Variants in ANO1 observed in about 807,000 individuals in gnomAD.
ANO1 encodes the protein anoctamin 1, also known as anoctamin-1.
ANO1 carries 59 observed loss-of-function variants against 124.0 expected under a neutral mutation model. The observed-to-expected ratio is 0.48, with a 90% confidence interval of 0.39 to 0.59. The LOEUF (loss-of-function observed/expected upper bound fraction) is 0.59, where lower values mean the gene tolerates loss of function less well. ANO1 is among the 20% of genes least tolerant of loss of function. ANO1 has a pLI of 0.00. For synonymous variants in ANO1, 529 were observed against 532.0 expected, an observed-to-expected ratio of 0.99 and a Z score of 0.08; for missense variants, 1,059 against 1,328.0, an observed-to-expected ratio of 0.80 and a Z score of 3.15.
At chr11:70,149,027 A>G (rs2047485946) in intron 11 of ANO1, among the ~76,000 whole-genome samples, 1 of 152,220 alleles carries the variant, frequency 6.6e-6, no homozygotes, top group Non-Finnish European at 1.5e-5. Context: ...AGTGCGATTC[A>G]GCAGGCAGAC....
intron 1 of ANO1, among the ~76,000 whole-genome samples, chr11:70,010,080 G>C (rs1383061668): frequency 2.0e-5 from 3 of 150,930 alleles, no homozygotes; most frequent in African/African-American, 7.3e-5. Flanking sequence ...ACTCCATCCA[G>C]GTTGCTGTGA....
the ANO1 span, among the ~76,000 whole-genome samples, chr11:69,974,568 T>C: frequency 2.6e-5 from 4 of 152,218 alleles, no homozygotes; most frequent in Non-Finnish European, 4.4e-5. Context: ...CAGAACCTCA[T>C]GCTCTTGGCC....
chr11:70,033,764 T>C (rs1857046193), intron 1 of ANO1, among the ~76,000 whole-genome samples: 2 of 152,058 alleles, frequency 1.3e-5, no homozygotes, highest in Non-Finnish European at 2.9e-5. Flanking sequence ...GCCATGCTCA[T>C]TCATTCCATA....
chr11:70,106,792 C>T lies in ANO1; in HGVS notation c.747+1004C>T, dbSNP rs574614711. On this transcript the variant is annotated intron_variant, in intron 5 of 25. Transcript: ENST00000355303. Reference sequence around the variant, plus strand: ...GGAGAACTGACAGCCCTTCCCCACTCCTCTCCTCCACACCATTCAATCTGT... The same window carrying T: ...GGAGAACTGACAGCCCTTCCCCACTTCTCTCCTCCACACCATTCAATCTGT... Among the ~76,000 whole-genome samples, 6 of 152,360 alleles carry T rather than the reference C, an allele frequency of 3.9e-5. No homozygotes were observed. In the South Asian group the frequency reaches 1.2e-3, roughly 32 times the overall value.
rs1287459801 is a variant in ANO1, at chr11:70,166,039, G to A, written c.2051+469G>A. 2.6e-5 allele frequency among the ~76,000 whole-genome samples: 4 copies of A among 151,768 alleles called. No individual in the cohort carries two copies. In the East Asian group the frequency reaches 5.9e-4, roughly 22 times the overall value. ...TGTTTTAAAAAATAAAAACAGGGCCGCGCACAGTGGCTCATAAACTGTAAT... is the reference window on the plus strand; with the variant it reads ...TGTTTTAAAAAATAAAAACAGGGCCACGCACAGTGGCTCATAAACTGTAAT... On this transcript the variant is annotated intron_variant, in intron 20 of 25. Transcript: ENST00000355303.
intron 1 of ANO1, among the ~76,000 whole-genome samples, chr11:70,024,623 C>A (rs1555002976): frequency 1.3e-5 from 2 of 152,196 alleles, no homozygotes; most frequent in East Asian, 3.9e-4. Context: ...GGCCCTCTCC[C>A]CAGTTCACAG....
chr11:70,049,721 T>TTTG (rs1555006112), intron 1 of ANO1, among the ~76,000 whole-genome samples: 33 of 149,382 alleles, frequency 2.2e-4, no homozygotes, highest in South Asian at 8.4e-4. Flanking sequence ...TGTTTGTTTG[T>TTTG]TTTGTTTTTG....
At position 70,034,856 on chromosome 11, in the gene ANO1, G is replaced by A. The variant is rs182622769; in HGVS notation, c.59-43686G>A. On this transcript the variant is annotated intron_variant, in intron 1 of 27. Coordinates refer to the ANO1 transcript ENST00000531349. Reference sequence around the variant, plus strand: ...ACATTTGAACACACAGGGGCAGCCAGAGGCAGGAAAGCCTGAACAGAGCCC... The same window carrying A: ...ACATTTGAACACACAGGGGCAGCCAAAGGCAGGAAAGCCTGAACAGAGCCC... Among the ~76,000 whole-genome samples the A allele has an allele frequency of 1.5e-3, 223 of 152,304 alleles. 1 individual carries two copies. Among genetic ancestry groups the A allele is most frequent in the Admixed American group, 9.0e-3 (137 of 15,306 alleles).
upstream of ANO1, among the ~76,000 whole-genome samples, chr11:70,073,364 G>T (rs1397146595): frequency 6.6e-6 from 1 of 152,200 alleles, no homozygotes; most frequent in African/African-American, 2.4e-5. Context: ...GGACCCAGGA[G>T]GGTGCGTCCG....
chr11:70,150,316 C>T (rs979352101), intron 12 of ANO1, among the ~76,000 whole-genome samples: 1 of 152,200 alleles, frequency 6.6e-6, no homozygotes, highest in Non-Finnish European at 1.5e-5. Flanking sequence ...TGGGCATCTT[C>T]ATACTCCAGA....
chr11:70,161,669 G>A lies in ANO1; in HGVS notation c.1828G>A (p.Ala610Thr), dbSNP rs1413416836. 6.2e-7 allele frequency: 1 copy of A among 1,613,992 alleles called. No homozygotes were observed. The highest frequency in any genetic ancestry group is 8.5e-7 in the Non-Finnish European group (1 of 1,179,888). Reference protein sequence around the residue: ...KSFEERLIFKAFLLKFVNSYT... With the variant: ...KSFEERLIFKTFLLKFVNSYT... Reference sequence around the variant, plus strand: ...CTTTGAGGAGAGGCTGATCTTCAAGGCTTTCCTGCTGAAGTTTGTGAATTC... The same window carrying A: ...CTTTGAGGAGAGGCTGATCTTCAAGACTTTCCTGCTGAAGTTTGTGAATTC... The change falls in exon 18 of 26, where the codon GCT becomes ACT. Residue 610 changes from alanine to threonine, a missense_variant. Coordinates refer to ENST00000355303, the MANE Select transcript of ANO1 (RefSeq NM_018043.7).
At chr11:70,116,537 G>C in intron 8 of ANO1, 38 bp downstream of exon 8, 1 of 1,562,208 alleles carries the variant, frequency 6.4e-7, no homozygotes, top group Non-Finnish European at 8.7e-7. Context: ...GGCTCTGTCA[G>C]AGCCTGGAGG....
At position 70,010,168 on chromosome 11, in the gene ANO1, C is replaced by CATATATATATATATATAT. The variant is rs1856569211; in HGVS notation, c.58+24002_58+24003insATATATATATATATATAT. Among the ~76,000 whole-genome samples, 6 of 70,344 alleles carry CATATATATATATATATAT rather than the reference C, an allele frequency of 8.5e-5. 1 individual carries two copies. In the South Asian group the frequency reaches 2.2e-3, roughly 25 times the overall value. The allele number at this position is 70,344 out of a possible 152,430, so 46.1% of individuals were successfully genotyped here. A position where few individuals can be genotyped will look rare whatever the true frequency, so the allele number is the denominator to read the frequency against. The stretch of plus-strand genomic sequence containing the variant: ...GTGTGTGTGTGTGTGTGTGTGTGCG[C>CATATATATATATATATAT]GTGTGTGTGTGTATATATATATATA... On this transcript the variant is annotated intron_variant, in intron 1 of 27. Transcript: ENST00000531349.
chr11:70,170,823 G>C, intron 21 of ANO1, 64 bp from the exon 22 acceptor site: 1 of 1,546,614 alleles, frequency 6.5e-7, no homozygotes, highest in Non-Finnish European at 8.8e-7. Context: ...ACACGGGGTG[G>C]TGGAGTCCCC....
intron 25 of ANO1, among the ~76,000 whole-genome samples, chr11:70,186,123 T>A (rs997976354): frequency 6.6e-6 from 1 of 152,020 alleles, no homozygotes; most frequent in African/African-American, 2.4e-5. Context: ...CTGTCTCTAC[T>A]AAAAATATCA....
intron 1 of ANO1, among the ~76,000 whole-genome samples, chr11:70,036,843 G>A (rs991835132): frequency 2.8e-4 from 43 of 152,152 alleles, no homozygotes; most frequent in African/African-American, 1.0e-3. Flanking sequence ...TCCTGACCTC[G>A]TGATCTGCCC....
chr11:70,003,893 A>C (rs1554999698), intron 1 of ANO1, among the ~76,000 whole-genome samples: 1 of 152,126 alleles, frequency 6.6e-6, no homozygotes, highest in African/African-American at 2.4e-5. Context: ...AGGCTGCTAT[A>C]TCCTGGCCCT....
At chr11:70,156,640 G>A (rs972431020) in intron 15 of ANO1, among the ~76,000 whole-genome samples, 1 of 152,142 alleles carries the variant, frequency 6.6e-6, no homozygotes, top group Non-Finnish European at 1.5e-5. Flanking sequence ...TCTCCCAGAC[G>A]TGGGTCCAAC....
At chr11:70,096,259 G>C (rs2044952911) in intron 2 of ANO1, among the ~76,000 whole-genome samples, 1 of 152,232 alleles carries the variant, frequency 6.6e-6, no homozygotes. Flanking sequence ...GAGGTGCCCA[G>C]GTCTTCACAG....
Sources: allele counts gnomAD v4.1 joint callset (sites outside exome capture counted in the v4.1 genomes callset), GRCh38; gene constraint gnomAD v4.1.1; transcripts MANE v1.5; gene names NCBI Gene and HGNC (gene_info 2026-07-23, HGNC 2026-07-21).